SAMMSON: variants seen among roughly 807,000 people sequenced by gnomAD.
The protein encoded by SAMMSON is survival associated mitochondrial melanoma specific oncogenic non-coding RNA.
At chr3:70,029,732 G>A (rs1213245074) in intron 3 of SAMMSON, among the ~76,000 whole-genome samples, 4 of 148,080 alleles carry the variant, frequency 2.7e-5, no homozygotes, top group African/African-American at 5.0e-5. Context: ...TCCAATCTGC[G>A]TGACAGAGTA....
At chr3:70,271,533 G>A (rs1269234086) in intron 6 of SAMMSON, among the ~76,000 whole-genome samples, 1 of 152,062 alleles carries the variant, frequency 6.6e-6, no homozygotes, top group East Asian at 1.9e-4. Context: ...CATCACCCTG[G>A]CCTTGCAAAT....
At chr3:70,349,451 A>G (rs182808527) in intron 7 of SAMMSON, among the ~76,000 whole-genome samples, 2 of 152,234 alleles carry the variant, frequency 1.3e-5, no homozygotes, top group Non-Finnish European at 2.9e-5. Context: ...GCGGCCAGCA[A>G]CCCATTATTT....
At chr3:70,045,186 A>T (rs2067121906) in intron 3 of SAMMSON, among the ~76,000 whole-genome samples, 1 of 137,630 alleles carries the variant, frequency 7.3e-6, no homozygotes, top group South Asian at 2.1e-4. Flanking sequence ...TATATCGTTA[A>T]TTATAATATT....
intron 9 of SAMMSON, among the ~76,000 whole-genome samples, chr3:70,362,632 A>T (rs749944452): frequency 6.6e-6 from 1 of 152,052 alleles, no homozygotes; most frequent in Non-Finnish European, 1.5e-5. Context: ...ACTTTTTGAC[A>T]ATCCCTGGAC....
chr3:70,088,243 T>C (rs1366315915), intron 4 of SAMMSON, among the ~76,000 whole-genome samples: 1 of 152,192 alleles, frequency 6.6e-6, no homozygotes, highest in Non-Finnish European at 1.5e-5. Context: ...TGCATGCCAA[T>C]CCCTGAGTTG....
At chr3:70,246,917 C>G (rs962260442) in intron 4 of SAMMSON, among the ~76,000 whole-genome samples, 2 of 151,890 alleles carry the variant, frequency 1.3e-5, no homozygotes, top group African/African-American at 4.8e-5. Context: ...TTAGACATGA[C>G]TCTTTTTTCA....
intron 4 of SAMMSON, among the ~76,000 whole-genome samples, chr3:70,148,821 A>C (rs915946807): frequency 1.3e-5 from 2 of 152,054 alleles, no homozygotes; most frequent in Non-Finnish European, 2.9e-5. Context: ...CTGGGGATCA[A>C]ATTTCAACTT....
intron 4 of SAMMSON, among the ~76,000 whole-genome samples, chr3:70,107,316 G>A (rs1220316825): frequency 6.6e-6 from 1 of 152,116 alleles, no homozygotes; most frequent in Non-Finnish European, 1.5e-5. Context: ...TGTAGGATAT[G>A]GAACAAGGTA....
At chr3:70,084,857 C>G (rs1009334256) in intron 4 of SAMMSON, 3 of 152,298 alleles carry the variant, frequency 2.0e-5, no homozygotes, top group Middle Eastern at 3.4e-3. Flanking sequence ...CCCCAATTTG[C>G]AGATGGGAAT....
intron 4 of SAMMSON, among the ~76,000 whole-genome samples, chr3:70,211,056 T>G (rs865870701): frequency 6.6e-6 from 1 of 152,230 alleles, no homozygotes; most frequent in Middle Eastern, 3.4e-3. Flanking sequence ...ACTTTGTAAT[T>G]TTTGCATCCA....
chr3:70,033,723 A>G (rs1379601271), intron 3 of SAMMSON, among the ~76,000 whole-genome samples: 9 of 152,140 alleles, frequency 5.9e-5, no homozygotes, highest in African/African-American at 2.2e-4. Context: ...TGAATGAGGA[A>G]GAGGAGACTG....
intron 4 of SAMMSON, among the ~76,000 whole-genome samples, chr3:70,152,039 A>G (rs936736181): frequency 1.3e-5 from 2 of 152,056 alleles, no homozygotes; most frequent in African/African-American, 2.4e-5. Context: ...AAAATTCTAA[A>G]CAGAAATATA....
At chr3:70,038,078 C>T (rs1462899913) in intron 3 of SAMMSON, among the ~76,000 whole-genome samples, 10 of 152,210 alleles carry the variant, frequency 6.6e-5, no homozygotes, top group African/African-American at 2.4e-4. Flanking sequence ...TTGTTAACTC[C>T]ATTCAAGAGG....
At chr3:70,264,422 T>G (rs567494748) in intron 6 of SAMMSON, among the ~76,000 whole-genome samples, 1 of 152,348 alleles carries the variant, frequency 6.6e-6, no homozygotes, top group African/African-American at 2.4e-5. Flanking sequence ...AATGACTGTC[T>G]AAGAACTGAA....
chr3:70,048,040 A>G (rs1257011601), intron 3 of SAMMSON, among the ~76,000 whole-genome samples: 2 of 152,148 alleles, frequency 1.3e-5, no homozygotes, highest in Admixed American at 6.5e-5. Flanking sequence ...TGATTTGAAT[A>G]GCAAAAATAC....
intron 3 of SAMMSON, among the ~76,000 whole-genome samples, chr3:70,022,601 T>C (rs2067020476): frequency 6.6e-6 from 1 of 152,186 alleles, no homozygotes; most frequent in Non-Finnish European, 1.5e-5. Flanking sequence ...CACTCTGACT[T>C]GTATCATAAA....
At chr3:70,207,522 A>G (rs1701304166) in intron 4 of SAMMSON, among the ~76,000 whole-genome samples, 2 of 152,184 alleles carry the variant, frequency 1.3e-5, no homozygotes, top group South Asian at 4.1e-4. Flanking sequence ...AGAAGCCCCA[A>G]GCGTTGTATG....
At chr3:70,399,967 T>G (rs889644195) in intron 2 of SAMMSON, among the ~76,000 whole-genome samples, 32 of 148,936 alleles carry the variant, frequency 2.1e-4, no homozygotes, top group Non-Finnish European at 4.0e-4. Context: ...CATGCAGCTC[T>G]AATATGGGGT....
intron 4 of SAMMSON, among the ~76,000 whole-genome samples, chr3:70,180,312 A>G (rs1424415368): frequency 6.6e-6 from 1 of 152,138 alleles, no homozygotes; most frequent in Non-Finnish European, 1.5e-5. Flanking sequence ...TGTCTAACAC[A>G]CAGCAAGTTT....
Sources: gnomAD v4.1 joint callset for allele counts (sites outside exome capture counted in the v4.1 genomes callset) on GRCh38, gnomAD v4.1.1 for gene constraint, MANE v1.5 for transcripts, NCBI Gene and HGNC (gene_info 2026-07-23, HGNC 2026-07-21) for gene names.